Variants in ADGRL2 observed in about 807,000 individuals in gnomAD.
The protein encoded by ADGRL2 is calcium-independent alpha-latrotoxin receptor 2.
A neutral mutation model predicts 157.4 loss-of-function variants in ADGRL2; 44 were observed. The observed-to-expected ratio is 0.28, with a 90% CI of 0.22 to 0.36. ADGRL2 has a LOEUF of 0.36. Ranked by LOEUF, ADGRL2 falls within the 10% of genes least tolerant of loss-of-function variation. The probability of loss-of-function intolerance (pLI) is 1.00; values close to 1 mark genes in which losing one functional copy is unlikely to be tolerated. For synonymous variants in ADGRL2, 585 were observed against 624.7 expected (o/e 0.94, Z 0.95); for missense variants, 1,510 against 1,768.9 (o/e 0.85, Z 2.63).
At chr1:81,341,538 A>G (rs554097357) in intron 1 of ADGRL2, among the ~76,000 whole-genome samples, 44 of 152,136 alleles carry the variant, frequency 2.9e-4, no homozygotes, top group Non-Finnish European at 5.4e-4. Flanking sequence ...TTCTTCAAAC[A>G]TCAGATTTCT....
Position 81,979,928 on chromosome 1 carries a change from G to C in ADGRL2, c.3081G>C (p.Leu1027Phe). 1 of 1,606,550 alleles carries C rather than the reference G, an allele frequency of 6.2e-7. No individual in the cohort carries two copies. Among genetic ancestry groups the C allele is most frequent in the Non-Finnish European group, 8.5e-7 (1 of 1,174,360 alleles). Residue 1027 changes from leucine to phenylalanine, a missense_variant, in exon 18 of 24, where the codon TTG (leucine) becomes TTC (phenylalanine). Transcript: ENST00000686636. ...LCKMVKHSNT[L>F]KPDSSRLENI... Reference sequence around the variant, plus strand: ...AAATGGTGAAGCATTCAAACACTTTGAAACCAGATTCTAGCAGGTTGGAAA... The same window carrying C: ...AAATGGTGAAGCATTCAAACACTTTCAAACCAGATTCTAGCAGGTTGGAAA...
At chr1:81,593,627 T>A (rs916626289) in intron 3 of ADGRL2, among the ~76,000 whole-genome samples, 2 of 152,206 alleles carry the variant, frequency 1.3e-5, no homozygotes, top group African/African-American at 4.8e-5. Context: ...CTCTATTACC[T>A]CTTATTCCTA....
intron 1 of ADGRL2, among the ~76,000 whole-genome samples, chr1:81,801,930 C>T (rs1360770692): frequency 1.3e-5 from 2 of 152,064 alleles, no homozygotes; most frequent in Non-Finnish European, 2.9e-5. Context: ...GTGTGAAAGA[C>T]CTCTCTCGAA....
chr1:81,597,529 T>C (rs1267492203), intron 3 of ADGRL2, among the ~76,000 whole-genome samples: 1 of 152,236 alleles, frequency 6.6e-6, no homozygotes, highest in African/African-American at 2.4e-5. Context: ...ATTATCTCAT[T>C]TGATCCTCAT....
In ADGRL2 at chr1:81,834,067, T is replaced by C. The variant is rs542368865; in HGVS notation, c.-100-2818T>C. ...TGGTTTGGATTTTTGAAAGTCATAG[T>C]CATTTATAGTTTAAGTAGAAATCTG... On this transcript the variant is annotated intron_variant, in intron 1 of 23. Coordinates refer to ENST00000686636, the MANE Select transcript of ADGRL2 (RefSeq NM_001366006.2). 6.8e-4 allele frequency among the ~76,000 whole-genome samples: 104 copies of C among 152,244 alleles called. 1 individual carries two copies. The South Asian group carries it at 0.021, about 31-fold the overall frequency.
chr1:81,380,954 G>T (rs1437246442), intron 1 of ADGRL2, among the ~76,000 whole-genome samples: 1 of 151,786 alleles, frequency 6.6e-6, no homozygotes. Flanking sequence ...AATAAATAAG[G>T]TTCCATCATC....
chr1:81,467,910 A>T (rs548688881), intron 2 of ADGRL2, among the ~76,000 whole-genome samples: 1 of 152,276 alleles, frequency 6.6e-6, no homozygotes, highest in East Asian at 1.9e-4. Context: ...AAAAAAAATC[A>T]GAATTGAAAT....
chr1:81,414,888 C>A (rs987264714), intron 1 of ADGRL2, among the ~76,000 whole-genome samples: 3 of 152,168 alleles, frequency 2.0e-5, no homozygotes, highest in Admixed American at 2.0e-4. Context: ...AAAGGAAAAT[C>A]TTTTGTCATT....
In ADGRL2 at chr1:81,888,731, T is replaced by C. The variant is rs945506098; in HGVS notation, c.74-18286T>C. On this transcript the variant is annotated intron_variant, in intron 2 of 23. Transcript: ENST00000686636. ...CCTCCCAAAGTGCTGGGATTACAAG[T>C]GTGAACCACTGCGCCCGGCCTGCTT... 6.6e-5 allele frequency among the ~76,000 whole-genome samples: 10 copies of C among 152,112 alleles called. No individual in the cohort carries two copies. In the East Asian group the frequency reaches 1.2e-3, roughly 18 times the overall value.
At position 81,880,389 on chromosome 1, in the gene ADGRL2, AG is replaced by A. The variant is rs2093954480; in HGVS notation, c.74-26627del. On this transcript the variant is annotated intron_variant, in intron 2 of 23. Coordinates refer to ENST00000686636, the MANE Select transcript of ADGRL2 (RefSeq NM_001366006.2). ...TCTTTCTTAACTGAGAGTTTTTCTT[AG>A]AAAGTAATTTTAAGATATTGATGCA... Among the ~76,000 whole-genome samples, 3 of 152,200 alleles carry A rather than the reference AG, an allele frequency of 2.0e-5. 1 individual carries two copies. In the South Asian group the frequency reaches 6.2e-4, roughly 31 times the overall value.
chr1:81,705,493 C>T (rs1002034107), intron 1 of ADGRL2, among the ~76,000 whole-genome samples: 1 of 152,034 alleles, frequency 6.6e-6, no homozygotes, highest in Non-Finnish European at 1.5e-5. Flanking sequence ...GGTGATCTGC[C>T]CATCTCTGCC....
chr1:81,466,806 TAA>T (rs1426310610), intron 2 of ADGRL2, among the ~76,000 whole-genome samples: 1 of 152,138 alleles, frequency 6.6e-6, no homozygotes, highest in African/African-American at 2.4e-5. Flanking sequence ...AATTTGAAAT[TAA>T]AGTCAATTAA....
rs537763319 is a variant in ADGRL2, at chr1:81,408,676, G to A, written c.-301-36360G>A. 3.4e-5 allele frequency among the ~76,000 whole-genome samples: 5 copies of A among 147,890 alleles called. No individual in the cohort carries two copies. In the East Asian group the frequency reaches 6.1e-4, roughly 18 times the overall value. On this transcript the variant is annotated intron_variant, in intron 1 of 24. Coordinates refer to the ADGRL2 transcript ENST00000370721. ...TATAACTGCCCCCAAGGGTGTGCAC[G>A]TTTACAAACGCAAATTAATCTTTAC... is the stretch of plus-strand genomic sequence containing the variant.
chr1:81,848,657 T>A (rs1571647898), intron 2 of ADGRL2, among the ~76,000 whole-genome samples: 1 of 151,948 alleles, frequency 6.6e-6, no homozygotes, highest in East Asian at 1.9e-4. Flanking sequence ...TTAAGATTTG[T>A]TTTTTAGTGA....
At chr1:81,525,913 G>T (rs571577794) in intron 2 of ADGRL2, among the ~76,000 whole-genome samples, 1 of 152,268 alleles carries the variant, frequency 6.6e-6, no homozygotes, top group Admixed American at 6.5e-5. Context: ...CAGTGAAGCT[G>T]ATGAAAGATG....
At chr1:81,381,534 C>G (rs2076344612) in intron 1 of ADGRL2, among the ~76,000 whole-genome samples, 1 of 152,082 alleles carries the variant, frequency 6.6e-6, no homozygotes, top group Non-Finnish European at 1.5e-5. Flanking sequence ...CTGTGATCCA[C>G]TGCACTCCAG....
intron 2 of ADGRL2, among the ~76,000 whole-genome samples, chr1:81,507,754 A>T (rs1164865336): frequency 6.6e-6 from 1 of 152,218 alleles, no homozygotes; most frequent in African/African-American, 2.4e-5. Context: ...TGATTGAGAT[A>T]TCAAAGATAG....
intron 3 of ADGRL2, among the ~76,000 whole-genome samples, chr1:81,632,341 T>C (rs1273344097): frequency 6.6e-6 from 1 of 152,160 alleles, no homozygotes; most frequent in Non-Finnish European, 1.5e-5. Flanking sequence ...GTGCAGGAAC[T>C]ATTGGAGCAA....
intron 8 of ADGRL2, among the ~76,000 whole-genome samples, 170 bp downstream of exon 8, chr1:81,951,291 A>G (rs1651724131): frequency 6.6e-6 from 1 of 152,190 alleles, no homozygotes; most frequent in African/African-American, 2.4e-5. Flanking sequence ...AAAGTTACAT[A>G]TGTTTGGGGG....
Sources: gnomAD v4.1 joint callset for allele counts (sites outside exome capture counted in the v4.1 genomes callset) on GRCh38, gnomAD v4.1.1 for gene constraint, MANE v1.5 for transcripts, NCBI Gene and HGNC (gene_info 2026-07-23, HGNC 2026-07-21) for gene names.